Variants in MYBPC1 observed in about 807,000 individuals in gnomAD.
MYBPC1 encodes myosin binding protein C1.
A neutral mutation model predicts 147.1 loss-of-function variants in MYBPC1; 52 were observed. The observed-to-expected ratio is 0.35, with a 90% CI of 0.28 to 0.45. MYBPC1 has a LOEUF of 0.45. Ranked by LOEUF, MYBPC1 falls within the 20% of genes least tolerant of loss-of-function variation. The pLI, the probability that MYBPC1 is intolerant of heterozygous loss-of-function variation, is 1.00. For synonymous variants in MYBPC1, 477 were observed against 475.9 expected (o/e 1.00, Z -0.03); for missense variants, 1,228 against 1,440.3 (o/e 0.85, Z 2.39).
intron 28 of MYBPC1, among the ~76,000 whole-genome samples, chr12:101,679,936 TATG>T (rs1204776479): frequency 1.3e-5 from 2 of 152,248 alleles, no homozygotes; most frequent in Non-Finnish European, 2.9e-5. Context: ...AGCTGAACAA[TATG>T]ATGATTTGAT....
At chr12:101,641,354 G>A (rs1454540194) in intron 10 of MYBPC1, among the ~76,000 whole-genome samples, 1 of 152,072 alleles carries the variant, frequency 6.6e-6, no homozygotes, top group African/African-American at 2.4e-5. Context: ...ACAAAATCAG[G>A]ATTATTTATT....
At chr12:101,596,475 A>T (rs977464391) in intron 1 of MYBPC1, among the ~76,000 whole-genome samples, 1 of 152,258 alleles carries the variant, frequency 6.6e-6, no homozygotes, top group Non-Finnish European at 1.5e-5. Context: ...ACCCAGAAGC[A>T]ATACATTCTA....
In MYBPC1 at chr12:101,652,749, A is replaced by G. The variant is rs780574068; in HGVS notation, c.1598A>G (p.Tyr533Cys). 103 of 1,613,758 alleles carry G rather than the reference A, an allele frequency of 6.4e-5. No homozygotes were observed. The highest frequency in any genetic ancestry group is 1.6e-4 in the Middle Eastern group (1 of 6,080). ...GATTATGTATTTGCACCTGATGCCTACAATGTTACTCTGCCTGCCAAAGTT... is the reference window on the plus strand; with the variant it reads ...GATTATGTATTTGCACCTGATGCCTGCAATGTTACTCTGCCTGCCAAAGTT... ...EGDYVFAPDA[Y>C]NVTLPAKVHV... is the part of the protein sequence containing the mutation. The change falls in exon 17 of 32, where the codon TAC (tyrosine) becomes TGC (cysteine). Residue 533 changes from tyrosine to cysteine, a missense_variant. This residue lies in a region of MYBPC1 where 1,077 missense variants were observed against 1,314.2 expected (regional missense o/e 0.82). Transcript: ENST00000361466.
chr12:101,689,081 TA>T (rs773027608), downstream of MYBPC1, among the ~76,000 whole-genome samples: 1 of 152,144 alleles, frequency 6.6e-6, no homozygotes, highest in Non-Finnish European at 1.5e-5. Flanking sequence ...GAGAGCACTA[TA>T]ACAATGCAGA....
At position 101,634,555 on chromosome 12, in the gene MYBPC1, A is replaced by T. The variant is rs373900994; in HGVS notation, c.558A>T (p.Glu186Asp). The change falls in exon 9 of 32, where the codon GAA (glutamate) becomes GAT (aspartate). Residue 186 changes from glutamate to aspartate, a missense_variant and splice_region_variant. By Grantham distance (45) the Glu-to-Asp change is conservative. Coordinates refer to ENST00000361466, the MANE Select transcript of MYBPC1 (RefSeq NM_002465.4). ...DSCSFDLEVH[E>D]STGTTPNIDI... ...TTATTGTTTTCTTTCCTTTCAAAGA[A>T]TCTACTGGGACTACTCCAAACATTG... The T allele has an allele frequency of 1.9e-5, 31 of 1,612,246 alleles. No homozygotes were observed. Among genetic ancestry groups the T allele is most frequent in the Non-Finnish European group, 2.6e-5 (31 of 1,178,428 alleles).
At chr12:101,637,458 A>G (rs1203604904) in intron 10 of MYBPC1, among the ~76,000 whole-genome samples, 2 of 152,106 alleles carry the variant, frequency 1.3e-5, no homozygotes, top group African/African-American at 4.8e-5. Context: ...GATTCCCTAT[A>G]TATATACTAT....
intron 1 of MYBPC1, among the ~76,000 whole-genome samples, chr12:101,609,884 G>A (rs1883634293): frequency 2.0e-5 from 3 of 152,144 alleles, no homozygotes; most frequent in Admixed American, 2.0e-4. Context: ...TCCTGCCTAT[G>A]GTCCCTATTC....
At chr12:101,607,214 G>T (rs1306659271) in intron 1 of MYBPC1, among the ~76,000 whole-genome samples, 2 of 152,176 alleles carry the variant, frequency 1.3e-5, no homozygotes, top group African/African-American at 4.8e-5. Context: ...AGCTTCCATT[G>T]TGCTCGTGTC....
intron 1 of MYBPC1, among the ~76,000 whole-genome samples, chr12:101,606,693 A>C (rs1274290888): frequency 6.6e-6 from 1 of 152,184 alleles, no homozygotes; most frequent in Non-Finnish European, 1.5e-5. Flanking sequence ...GTGGGGAACA[A>C]AATAAGCAAG....
intron 13 of MYBPC1, 85 bp downstream of exon 13, chr12:101,646,972 G>A: frequency 6.5e-7 from 1 of 1,534,892 alleles, no homozygotes; most frequent in Non-Finnish European, 9.0e-7. Context: ...AGTAACTGAG[G>A]CTCCTCTACA....
intron 22 of MYBPC1, among the ~76,000 whole-genome samples, chr12:101,664,825 G>A (rs2136521136): frequency 6.6e-6 from 1 of 152,336 alleles, no homozygotes; most frequent in African/African-American, 2.4e-5. Context: ...GGTTAACCCA[G>A]TAAGGGAAGG....
At chr12:101,682,707 A>C in intron 30 of MYBPC1, 45 bp downstream of exon 30, 3 of 1,533,406 alleles carry the variant, frequency 2.0e-6, no homozygotes, top group Non-Finnish European at 2.7e-6. Context: ...TTTCCGTTCC[A>C]TTCCTCTTAC....
intron 1 of MYBPC1, among the ~76,000 whole-genome samples, chr12:101,605,686 C>T (rs374250520): frequency 2.0e-5 from 3 of 151,950 alleles, no homozygotes; most frequent in Non-Finnish European, 2.9e-5. Context: ...CATGGTGAAA[C>T]CTTGTCTCTA....
intron 10 of MYBPC1, among the ~76,000 whole-genome samples, chr12:101,641,175 A>G (rs1891962312): frequency 6.6e-6 from 1 of 152,056 alleles, no homozygotes; most frequent in South Asian, 2.1e-4. Context: ...TGACAATGCA[A>G]ACAGATGTAA....
intron 25 of MYBPC1, among the ~76,000 whole-genome samples, chr12:101,674,179 C>T (rs1408157138): frequency 1.3e-5 from 2 of 152,172 alleles, no homozygotes; most frequent in Admixed American, 6.5e-5. Flanking sequence ...TAGTGAAATC[C>T]TTCTGCACTA....
At chr12:101,659,899 T>A in intron 19 of MYBPC1, 68 bp downstream of exon 19, 1 of 1,563,536 alleles carries the variant, frequency 6.4e-7, no homozygotes, top group Non-Finnish European at 8.8e-7. Context: ...TAGACTTTCC[T>A]TCTTTGTCCT....
chr12:101,666,161 C>T (rs931111191), intron 22 of MYBPC1: 1 of 159,828 alleles, frequency 6.3e-6, no homozygotes, highest in Non-Finnish European at 1.4e-5. Flanking sequence ...GTCATGGGAA[C>T]CAGAACTGCC....
intron 24 of MYBPC1, among the ~76,000 whole-genome samples, chr12:101,672,988 C>T (rs932003063): frequency 1.3e-5 from 2 of 152,146 alleles, no homozygotes; most frequent in African/African-American, 4.8e-5. Context: ...TAGTAACTTG[C>T]CCAGGGTCAC....
chr12:101,694,648 T>C, the MYBPC1 span, among the ~76,000 whole-genome samples: 6 of 152,214 alleles, frequency 3.9e-5, no homozygotes, highest in Non-Finnish European at 8.8e-5. Context: ...AGAAACACAC[T>C]TTGACTTTGG....
Sources: allele counts gnomAD v4.1 joint callset (sites outside exome capture counted in the v4.1 genomes callset), GRCh38; gene constraint gnomAD v4.1.1; regional missense constraint gnomAD v4.1.1; transcripts MANE v1.5; gene names NCBI Gene and HGNC (gene_info 2026-07-23, HGNC 2026-07-21).